RAP1A: variants seen among roughly 807,000 people sequenced by gnomAD.
RAP1A encodes ras-related protein Rap-1A.
RAP1A carries 6 observed loss-of-function variants against 26.4 expected under a neutral mutation model. That is an observed-to-expected ratio of 0.23 (90% CI 0.12 to 0.45). RAP1A has a LOEUF of 0.45. Ranked by LOEUF, RAP1A falls within the 20% of genes least tolerant of loss-of-function variation. The pLI is 0.99. For synonymous variants in RAP1A, 73 were observed against 79.4 expected (o/e 0.92, Z 0.43); for missense variants, 121 against 217.2 (o/e 0.56, Z 2.78).
chr1:111,644,296 A>C (rs1659998061), intron 1 of RAP1A, among the ~76,000 whole-genome samples: 2 of 152,244 alleles, frequency 1.3e-5, no homozygotes, highest in Non-Finnish European at 1.5e-5. Context: ...AAAAGTGAGC[A>C]CTTAGGCCTC....
intron 1 of RAP1A, among the ~76,000 whole-genome samples, chr1:111,672,724 T>C (rs1472721524): frequency 6.6e-6 from 1 of 152,238 alleles, no homozygotes; most frequent in Non-Finnish European, 1.5e-5. Flanking sequence ...CTGGATTTTG[T>C]TCATTGCTAA....
chr1:111,687,138 C>G (rs1415279422), intron 1 of RAP1A, among the ~76,000 whole-genome samples: 2 of 151,210 alleles, frequency 1.3e-5, no homozygotes, highest in African/African-American at 4.9e-5. Context: ...TTGTATTTGT[C>G]CCATTTTTTT....
intron 1 of RAP1A, among the ~76,000 whole-genome samples, chr1:111,554,459 A>G (rs757176765): frequency 3.3e-5 from 5 of 152,256 alleles, no homozygotes; most frequent in Non-Finnish European, 7.3e-5. Context: ...GTTCTAGAAC[A>G]TTTGCTGGTC....
intron 1 of RAP1A, among the ~76,000 whole-genome samples, chr1:111,631,061 C>G (rs566142): frequency 6.6e-6 from 1 of 152,110 alleles, no homozygotes; most frequent in Admixed American, 6.6e-5. Flanking sequence ...GTGCATTTAC[C>G]CTAAATAGAC....
At chr1:111,555,217 C>G (rs1182092670) in intron 1 of RAP1A, among the ~76,000 whole-genome samples, 1 of 151,422 alleles carries the variant, frequency 6.6e-6, no homozygotes, top group Non-Finnish European at 1.5e-5. Flanking sequence ...AACACAAAAA[C>G]TAGCTGAGTG....
chr1:111,578,494 GA>G (rs543491126), intron 1 of RAP1A, among the ~76,000 whole-genome samples: 5 of 108,654 alleles, frequency 4.6e-5, no homozygotes, highest in South Asian at 3.2e-4. Context: ...TTTCAATGGG[GA>G]AAAAAAACCA....
At chr1:111,591,845 A>C (rs879435577) in intron 1 of RAP1A, among the ~76,000 whole-genome samples, 2 of 152,236 alleles carry the variant, frequency 1.3e-5, no homozygotes, top group Non-Finnish European at 2.9e-5. Flanking sequence ...TACATCCTAC[A>C]TCATGCTACA....
intron 1 of RAP1A, among the ~76,000 whole-genome samples, chr1:111,549,356 A>G (rs540590114): frequency 6.8e-6 from 1 of 147,536 alleles, no homozygotes; most frequent in African/African-American, 2.5e-5. Flanking sequence ...CCCCCTTTTA[A>G]AACATGGTCG....
In RAP1A at chr1:111,596,453, G is replaced by A. The variant is rs74891193; in HGVS notation, c.-28+53944G>A. On this transcript the variant is annotated intron_variant, in intron 1 of 7. Coordinates refer to the RAP1A transcript ENST00000356415. ...TTTAAAGGAATGGTTAAATTATAAC[G>A]TAAGAGTCTGTTTTCCCACTAGACT... Among the ~76,000 whole-genome samples, 617 of 152,318 alleles carry A rather than the reference G, an allele frequency of 4.1e-3. 2 individuals carry two copies. The highest frequency in any genetic ancestry group is 0.014 in the African/African-American group (576 of 41,554).
rs752855199 is a variant in RAP1A at position 111,695,333 on chromosome 1, TC to T, written c.58-3del. On this transcript the variant is annotated splice_region_variant and splice_polypyrimidine_tract_variant and intron_variant, in intron 2 of 7. Coordinates refer to ENST00000369709, the MANE Select transcript of RAP1A (RefSeq NM_002884.4). ...ATTTTTTAATATTTCTCTTTTTTTTTCCCCCAGACAGTTCAGTTTGTTCAGG... is the reference window on the plus strand; with the variant it reads ...ATTTTTTAATATTTCTCTTTTTTTTTCCCCAGACAGTTCAGTTTGTTCAGG... 7 of 1,547,976 alleles carry T rather than the reference TC, an allele frequency of 4.5e-6. No individual in the cohort carries two copies. The highest frequency in any genetic ancestry group is 4.5e-5 in the Admixed American group (2 of 44,764).
chr1:111,584,125 A>G (rs2800879), intron 1 of RAP1A, among the ~76,000 whole-genome samples: 83,930 of 151,420 alleles, frequency 0.55, 23,984 homozygotes, highest in African/African-American at 0.7. Flanking sequence ...CAGGTGATCC[A>G]CCCGCCTCGG....
intron 1 of RAP1A, chr1:111,563,977 A>C (rs1571472402): frequency 6.4e-7 from 1 of 1,561,706 alleles, no homozygotes; most frequent in Non-Finnish European, 8.8e-7. Flanking sequence ...GTCTCTACCA[A>C]CTGCCACAGA....
In RAP1A at chr1:111,708,306, A is replaced by C. The variant is rs887778152; in HGVS notation, c.469-843A>C. Among the ~76,000 whole-genome samples, 6 of 152,368 alleles carry C rather than the reference A, an allele frequency of 3.9e-5. No individual in the cohort carries two copies. The East Asian group carries it at 1.2e-3, about 29-fold the overall frequency. ...GCAAACAAAAATCATGCGCCTCCGC[A>C]TGTGATACCTTGAAAGGGAGACAGT... On this transcript the variant is annotated intron_variant, in intron 6 of 7. Coordinates refer to ENST00000369709, the MANE Select transcript of RAP1A (RefSeq NM_002884.4).
At chr1:111,543,635 G>C (rs894426183) in intron 1 of RAP1A, among the ~76,000 whole-genome samples, 1 of 149,354 alleles carries the variant, frequency 6.7e-6, no homozygotes, top group Non-Finnish European at 1.5e-5. Flanking sequence ...AATAGGAGGA[G>C]GAAGAGAAGG....
At chr1:111,563,438 G>A (rs1657826704) in intron 1 of RAP1A, among the ~76,000 whole-genome samples, 1 of 152,178 alleles carries the variant, frequency 6.6e-6, no homozygotes. Flanking sequence ...AGTTCTCCAA[G>A]GCCAGATTGA....
chr1:111,651,908 G>A (rs1420161374), intron 1 of RAP1A, among the ~76,000 whole-genome samples: 3 of 151,920 alleles, frequency 2.0e-5, no homozygotes, highest in Non-Finnish European at 4.4e-5. Context: ...GACCGTGCCC[G>A]GCTCCAAATA....
At chr1:111,697,248 T>C (rs1661863503) in intron 3 of RAP1A, among the ~76,000 whole-genome samples, 193 bp from the exon 4 acceptor site, 1 of 152,234 alleles carries the variant, frequency 6.6e-6, no homozygotes, top group South Asian at 2.1e-4. Flanking sequence ...TCTTGGCTTC[T>C]GTAATATGAA....
Position 111,552,326 on chromosome 1 carries a change from T to C in RAP1A, c.-28+9817T>C, listed in dbSNP as rs145060581. 2.9e-3 allele frequency among the ~76,000 whole-genome samples: 442 copies of C among 152,254 alleles called. 2 individuals are homozygous for C. Among genetic ancestry groups the C allele is most frequent in the African/African-American group, 0.01 (425 of 41,546 alleles). On this transcript the variant is annotated intron_variant, in intron 1 of 7. Transcript: ENST00000356415. ...GCTATCTGCCACTGAGCTGGGGAGC[T>C]AGAGATGGAACGAAGGCAAGTTATA...
intron 1 of RAP1A, among the ~76,000 whole-genome samples, chr1:111,558,380 T>C (rs555340505): frequency 6.5e-4 from 99 of 151,910 alleles, no homozygotes; most frequent in African/African-American, 2.3e-3. Context: ...TAAGACAGGG[T>C]TTTGCCATGT....
Sources: gnomAD v4.1 joint callset for allele counts (sites outside exome capture counted in the v4.1 genomes callset) on GRCh38, gnomAD v4.1.1 for gene constraint, MANE v1.5 for transcripts, NCBI Gene and HGNC (gene_info 2026-07-23, HGNC 2026-07-21) for gene names.